Variants in ITGAV observed in about 807,000 individuals in gnomAD.
The protein encoded by ITGAV is integrin alpha-V.
ITGAV carries 76 observed loss-of-function variants against 143.8 expected under a neutral mutation model. The observed-to-expected ratio is 0.53, with a 90% CI of 0.44 to 0.64. The LOEUF is 0.64. ITGAV is among the 30% of genes least tolerant of loss of function. The pLI is 0.00. For missense variants in ITGAV, 1,193 were observed against 1,274.7 expected, an observed-to-expected ratio of 0.94 and a Z score of 0.98; for synonymous variants, 453 against 446.7, an observed-to-expected ratio of 1.01 and a Z score of -0.18.
chr2:186,668,909 T>C lies in ITGAV; in HGVS notation c.2581T>C (p.Leu861=), dbSNP rs2105747639. 6.2e-7 allele frequency: 1 copy of C among 1,608,386 alleles called. No individual in the cohort carries two copies. The highest frequency in any genetic ancestry group is 1.7e-4 in the Middle Eastern group (1 of 6,024). Residue 861 remains leucine, a synonymous_variant, in exon 25 of 30, where the codon TTG becomes CTG. Coordinates refer to ENST00000261023, the MANE Select transcript of ITGAV (RefSeq NM_002210.5). ...NCTSDMEINP[L]RIKISSLQTT... ...CACTTCAGATATGGAGATCAACCCT[T>C]TGAGAATTAAGGTAATATGCTTAAT...
rs189325961 is a variant in ITGAV at position 186,606,281 on chromosome 2, G to A, written c.316+4130G>A. On this transcript the variant is annotated intron_variant, in intron 2 of 29. Transcript: ENST00000261023. ...AGGGAGACAGAAGCTGAGCAGATAT[G>A]TGGGGTTTCTGAAGGCAGCCTCCCT... is the stretch of plus-strand genomic sequence containing the variant. 2.9e-3 allele frequency among the ~76,000 whole-genome samples: 438 copies of A among 152,268 alleles called. 1 individual carries two copies. Among genetic ancestry groups the A allele is most frequent in the African/African-American group, 0.01 (424 of 41,564 alleles).
Position 186,679,761 on chromosome 2 carries a change from ATG to A in ITGAV, c.*2472_*2473del, listed in dbSNP as rs751248513. 1.9e-4 allele frequency: 29 copies of A among 152,200 alleles called. No homozygotes were observed. The highest frequency in any genetic ancestry group is 5.5e-4 in the African/African-American group (23 of 41,562). 9.4% of individuals were successfully genotyped at this position (152,200 alleles called of 1,614,324 possible). On this transcript the variant is annotated 3_prime_UTR_variant, in exon 30 of 30. Transcript: ENST00000261023. Reference sequence around the variant, plus strand: ...AGAATTGATATTTTGAGAAAAATACATGTGAGTCATTTTTTCTGTTTCTCTTT... The same window carrying A: ...AGAATTGATATTTTGAGAAAAATACATGAGTCATTTTTTCTGTTTCTCTTT...
intron 2 of ITGAV, among the ~76,000 whole-genome samples, chr2:186,615,236 G>C (rs1687319406): frequency 6.6e-6 from 1 of 151,980 alleles, no homozygotes; most frequent in Non-Finnish European, 1.5e-5. Context: ...TCTGCTTCTT[G>C]GCTATTATGA....
intron 22 of ITGAV, 102 bp downstream of exon 22, chr2:186,666,885 T>G (rs1375724907): frequency 1.7e-6 from 1 of 582,482 alleles, no homozygotes; most frequent in Non-Finnish European, 2.8e-6. Context: ...AGATTAAATT[T>G]TATTGCTTGA....
chr2:186,663,053 T>TC (rs368855532), intron 18 of ITGAV, among the ~76,000 whole-genome samples: 1 of 152,206 alleles, frequency 6.6e-6, no homozygotes. Flanking sequence ...TCTGCTTTTT[T>TC]CCCACTGTTT....
intron 17 of ITGAV, among the ~76,000 whole-genome samples, chr2:186,656,768 G>A (rs909766795): frequency 6.6e-6 from 1 of 152,128 alleles, no homozygotes; most frequent in African/African-American, 2.4e-5. Flanking sequence ...ATATATGAGC[G>A]AGAGTTGCTG....
At chr2:186,647,238 A>AT (rs71017334) in intron 13 of ITGAV, among the ~76,000 whole-genome samples, 83,634 of 146,300 alleles carry the variant, frequency 0.57, 23,756 homozygotes, top group East Asian at 0.82. Context: ...AATAGTTGTG[A>AT]TTTTTTTTTT....
rs1689307634 is a variant in ITGAV at position 186,679,901 on chromosome 2, C to T, written c.*2609C>T. ...AAACTACTTATTCATAGTTAATTCTCATTAACACTTACATTTCCATAAAGA... is the reference window on the plus strand; with the variant it reads ...AAACTACTTATTCATAGTTAATTCTTATTAACACTTACATTTCCATAAAGA... On this transcript the variant is annotated 3_prime_UTR_variant, in exon 30 of 30. Coordinates refer to ENST00000261023, the MANE Select transcript of ITGAV (RefSeq NM_002210.5). 6.6e-6 allele frequency: 1 copy of T among 152,000 alleles called. No homozygotes were observed. The allele number at this position is 152,000 out of a possible 1,614,324, so 9.4% of individuals were successfully genotyped here. A position where few individuals can be genotyped will look rare whatever the true frequency, so the allele number is the denominator to read the frequency against.
intron 12 of ITGAV, among the ~76,000 whole-genome samples, chr2:186,645,763 C>G (rs762775702): frequency 6.6e-6 from 1 of 150,964 alleles, no homozygotes; most frequent in Non-Finnish European, 1.5e-5. Flanking sequence ...GTCAGGAGAT[C>G]GAGACCATCC....
intron 22 of ITGAV, 47 bp from the exon 23 acceptor site, chr2:186,667,103 G>C: frequency 6.9e-7 from 1 of 1,441,248 alleles, no homozygotes. Context: ...GTATGTTCTT[G>C]GTTGTTATGC....
At chr2:186,657,700 G>A (rs1278819165) in intron 17 of ITGAV, among the ~76,000 whole-genome samples, 1 of 152,142 alleles carries the variant, frequency 6.6e-6, no homozygotes, top group East Asian at 1.9e-4. Flanking sequence ...ACAGATAAGG[G>A]AGGAATTAAC....
chr2:186,621,046 G>T (rs939808677), intron 2 of ITGAV, among the ~76,000 whole-genome samples: 1 of 152,136 alleles, frequency 6.6e-6, no homozygotes, highest in African/African-American at 2.4e-5. Context: ...GTGGTATTTA[G>T]ATCTGTCTTT....
At chr2:186,663,227 T>C (rs1189192239) in intron 18 of ITGAV, among the ~76,000 whole-genome samples, 1 of 152,204 alleles carries the variant, frequency 6.6e-6, no homozygotes. Context: ...CATGCAATGC[T>C]GGACTCATTT....
At chr2:186,675,018 A>G (rs1689169885) in intron 26 of ITGAV, among the ~76,000 whole-genome samples, 1 of 152,208 alleles carries the variant, frequency 6.6e-6, no homozygotes, top group African/African-American at 2.4e-5. Flanking sequence ...CCACTACTGG[A>G]TAACATTGTC....
intron 4 of ITGAV, among the ~76,000 whole-genome samples, chr2:186,626,969 T>C (rs935810509): frequency 1.3e-5 from 2 of 152,204 alleles, no homozygotes; most frequent in Non-Finnish European, 2.9e-5. Context: ...AAGATAATTT[T>C]ATAGCTACGA....
intron 2 of ITGAV, among the ~76,000 whole-genome samples, chr2:186,608,991 C>T (rs977425289): frequency 6.6e-6 from 1 of 152,110 alleles, no homozygotes; most frequent in Non-Finnish European, 1.5e-5. Context: ...TGCCTCTTTG[C>T]ATCATTTTAT....
At chr2:186,671,290 A>T (rs1689054929) in intron 26 of ITGAV, among the ~76,000 whole-genome samples, 1 of 152,016 alleles carries the variant, frequency 6.6e-6, no homozygotes, top group African/African-American at 2.4e-5. Context: ...TAAGCCCAAC[A>T]TCAACAGGCC....
At chr2:186,639,870 C>G (rs1688054553) in intron 10 of ITGAV, among the ~76,000 whole-genome samples, 1 of 152,130 alleles carries the variant, frequency 6.6e-6, no homozygotes, top group Admixed American at 6.5e-5. Context: ...TGACTAAGGC[C>G]CATGAATATT....
chr2:186,649,784 A>G (rs1251318457), intron 13 of ITGAV, 56 bp from the exon 14 acceptor site: 8 of 1,146,936 alleles, frequency 7.0e-6, no homozygotes, highest in Non-Finnish European at 1.0e-5. Flanking sequence ...ATAGAATGGT[A>G]TATACATTTT....
Sources: gnomAD v4.1 joint callset for allele counts (sites outside exome capture counted in the v4.1 genomes callset) on GRCh38, gnomAD v4.1.1 for gene constraint, MANE v1.5 for transcripts, NCBI Gene and HGNC (gene_info 2026-07-23, HGNC 2026-07-21) for gene names.